A4GALT: variants seen among roughly 807,000 people sequenced by gnomAD.
A4GALT encodes the protein lactosylceramide 4-alpha-galactosyltransferase.
For missense variants in A4GALT, 512 were observed against 486.0 expected, an observed-to-expected ratio of 1.05 and a Z score of -0.50; for synonymous variants, 257 against 220.7, an observed-to-expected ratio of 1.16 and a Z score of -1.46.
intron 1 of A4GALT, among the ~76,000 whole-genome samples, chr22:42,709,897 C>T (rs1023241514): frequency 6.6e-6 from 1 of 152,148 alleles, no homozygotes; most frequent in Non-Finnish European, 1.5e-5. Flanking sequence ...GAATATAATT[C>T]ATCATATTAA....
chr22:42,694,430 G>A (rs571547217), intron 2 of A4GALT: 1 of 193,528 alleles, frequency 5.2e-6, no homozygotes, highest in African/African-American at 2.3e-5. Context: ...CAGGCCTGGG[G>A]TTCGTCTAAG....
Position 42,693,064 on chromosome 22 carries a change from A to G in A4GALT, c.888T>C (p.Phe296=). The change falls in exon 3 of 3, where the codon TTT becomes TTC. Residue 296 remains phenylalanine (F), a synonymous_variant. Coordinates refer to ENST00000642412, the MANE Select transcript of A4GALT (RefSeq NM_017436.7). ...PIPWQDWKKY[F]EDINPEELPR... ...GCAGCTCCTCGGGGTTGATGTCCTC[A>G]AAGTACTTCTTCCAGTCCTGCCAGG... 6.2e-7 allele frequency: 1 copy of G among 1,612,664 alleles called. No homozygotes were observed. The highest frequency in any genetic ancestry group is 8.5e-7 in the Non-Finnish European group (1 of 1,179,108).
chr22:42,714,668 C>T (rs562267923), intron 1 of A4GALT, among the ~76,000 whole-genome samples: 134 of 151,910 alleles, frequency 8.8e-4, no homozygotes, highest in African/African-American at 3.0e-3. Context: ...CCTAGCCACT[C>T]GGGAGGCTGA....
chr22:42,696,131 A>AAAAAAAAAG (rs1469903088), intron 1 of A4GALT, among the ~76,000 whole-genome samples: 2 of 146,868 alleles, frequency 1.4e-5, no homozygotes, highest in African/African-American at 2.5e-5. Context: ...CAAAAAAAAA[A>AAAAAAAAAG]AAAAAAAAGC....
At chr22:42,696,436 A>AAG in intron 1 of A4GALT, among the ~76,000 whole-genome samples, 1 of 151,508 alleles carries the variant, frequency 6.6e-6, no homozygotes. Context: ...GGAAAAAAAA[A>AAG]AAAAAAGAAA....
rs1381251654 is a variant in A4GALT at position 42,713,834 on chromosome 22, AGAC to A, written c.-188+6960_-188+6962del. Among the ~76,000 whole-genome samples, 94 of 130,264 alleles carry A rather than the reference AGAC, an allele frequency of 7.2e-4. 1 individual carries two copies. Among genetic ancestry groups the A allele is most frequent in the East Asian group, 4.9e-3 (23 of 4,728 alleles). The allele number at this position is 130,264 out of a possible 152,430, so 85.5% of individuals were successfully genotyped here. ...TCAAAAAAAAAAAAAAAAAAAAGACAGACAGACAGACAGACAGACATCAGGTGC... is the reference window on the plus strand; with the variant it reads ...TCAAAAAAAAAAAAAAAAAAAAGACAAGACAGACAGACAGACATCAGGTGC... On this transcript the variant is annotated intron_variant, in intron 1 of 2. Transcript: ENST00000642412.
intron 1 of A4GALT, among the ~76,000 whole-genome samples, chr22:42,708,949 G>T (rs1479241231): frequency 1.3e-5 from 2 of 151,178 alleles, no homozygotes; most frequent in African/African-American, 4.9e-5. Flanking sequence ...CAAAACAAAA[G>T]CACCAGGGCA....
chr22:42,711,221 ATAAG>A (rs1242343691), intron 1 of A4GALT, among the ~76,000 whole-genome samples: 2 of 152,248 alleles, frequency 1.3e-5, no homozygotes, highest in Non-Finnish European at 2.9e-5. Context: ...GGATCTTTTT[ATAAG>A]TAATAGAAAT....
chr22:42,704,134 T>C (rs1920951732), intron 1 of A4GALT, among the ~76,000 whole-genome samples: 1 of 152,124 alleles, frequency 6.6e-6, no homozygotes, highest in African/African-American at 2.4e-5. Context: ...AAATATAATA[T>C]TTCTACCCAA....
intron 1 of A4GALT, among the ~76,000 whole-genome samples, chr22:42,710,474 T>C (rs1487865854): frequency 2.0e-5 from 3 of 152,128 alleles, no homozygotes; most frequent in Admixed American, 6.6e-5. Context: ...GGCAGCCAGA[T>C]TGCTTGAGCC....
At chr22:42,712,053 G>A (rs907575042) in intron 1 of A4GALT, among the ~76,000 whole-genome samples, 2 of 152,200 alleles carry the variant, frequency 1.3e-5, no homozygotes, top group African/African-American at 4.8e-5. Flanking sequence ...GCAAATTACA[G>A]CTGCCTCATT....
At chr22:42,706,410 T>C (rs892878769) in intron 1 of A4GALT, among the ~76,000 whole-genome samples, 1 of 141,544 alleles carries the variant, frequency 7.1e-6, no homozygotes, top group Non-Finnish European at 1.5e-5. Context: ...GAGAAAAAGA[T>C]TTTTAGATTA....
intron 2 of A4GALT, 42 bp downstream of exon 2, chr22:42,695,449 G>A (rs1298967533): frequency 6.6e-6 from 1 of 152,250 alleles, no homozygotes; most frequent in Non-Finnish European, 1.5e-5. Context: ...TCCCAGGGTA[G>A]AGAGCAGGGA....
In A4GALT at chr22:42,715,421, C is replaced by T. The variant is rs141619500; in HGVS notation, c.-188+5376G>A. 3.1e-3 allele frequency among the ~76,000 whole-genome samples: 478 copies of T among 152,142 alleles called. 4 individuals are homozygous for T. Among genetic ancestry groups the T allele is most frequent in the African/African-American group, 0.011 (454 of 41,522 alleles). ...GTTCCTAGAAGTGAGCCCTCTGGGT[C>T]AAAGGAAATGTAATTCAGGGCTGGG... On this transcript the variant is annotated intron_variant, in intron 1 of 2. Coordinates refer to ENST00000642412, the MANE Select transcript of A4GALT (RefSeq NM_017436.7).
At chr22:42,715,476 C>T (rs1013260879) in intron 1 of A4GALT, among the ~76,000 whole-genome samples, 8 of 152,080 alleles carry the variant, frequency 5.3e-5, no homozygotes, top group African/African-American at 1.9e-4. Flanking sequence ...AATCCCAGCA[C>T]TTTGGGAGGT....
At chr22:42,714,274 CAAAAAAAAAAAAAAAAA>C (rs1163088658) in intron 1 of A4GALT, among the ~76,000 whole-genome samples, 5 of 16,160 alleles carry the variant, frequency 3.1e-4, no homozygotes, top group South Asian at 5.5e-3. Flanking sequence ...GACTCTGTCT[CAAAAAAAAAAAAAAAAA>C]AAAAAAAAAA....
intron 1 of A4GALT, among the ~76,000 whole-genome samples, chr22:42,718,744 T>A (rs1245974019): frequency 3.3e-5 from 5 of 152,126 alleles, no homozygotes; most frequent in South Asian, 4.1e-4. Flanking sequence ...TGGACAAGGG[T>A]CCTTCCCTCC....
At chr22:42,697,568 C>T (rs1257931693) in intron 1 of A4GALT, among the ~76,000 whole-genome samples, 3 of 152,046 alleles carry the variant, frequency 2.0e-5, no homozygotes, top group Non-Finnish European at 2.9e-5. Flanking sequence ...CTTGGAGGAG[C>T]AGGATATGTC....
In A4GALT at chr22:42,702,878, C is replaced by G. The variant is rs949539051; in HGVS notation, c.-187-7247G>C. 3.9e-4 allele frequency among the ~76,000 whole-genome samples: 56 copies of G among 143,942 alleles called. 3 individuals are homozygous for G. The highest frequency in any genetic ancestry group is 8.3e-4 in the Non-Finnish European group (56 of 67,562). 94.4% of individuals were successfully genotyped at this position (143,942 alleles called of 152,430 possible). On this transcript the variant is annotated intron_variant, in intron 1 of 2. Coordinates refer to ENST00000642412, the MANE Select transcript of A4GALT (RefSeq NM_017436.7). ...GGCAGGTTGTCTTAGCTCAGCCTGA[C>G]CCCCAGTGAGGGATGCGGGGATTAC...
Sources: allele counts gnomAD v4.1 joint callset (sites outside exome capture counted in the v4.1 genomes callset), GRCh38; gene constraint gnomAD v4.1.1; transcripts MANE v1.5; gene names NCBI Gene and HGNC (gene_info 2026-07-23, HGNC 2026-07-21).